EFCAB7: variants seen among roughly 807,000 people sequenced by gnomAD.
The protein encoded by EFCAB7 is EF-hand calcium binding domain 7.
EFCAB7 carries 66 observed loss-of-function variants against 77.1 expected under a neutral mutation model. The ratio of observed to expected loss-of-function variants is 0.86; its 90% confidence interval spans 0.70 to 1.05. The LOEUF (loss-of-function observed/expected upper bound fraction) is 1.05, where lower values mean the gene tolerates loss of function less well. Among genes scored for constraint, EFCAB7 ranks in the 50% least tolerant of loss-of-function variants. The pLI is 0.00. For missense variants in EFCAB7, 638 were observed against 730.5 expected (o/e 0.87, Z 1.46); for synonymous variants, 225 against 243.3 (o/e 0.92, Z 0.70).
Position 63,568,449 on chromosome 1 carries a change from A to G in EFCAB7, c.1637A>G (p.Asp546Gly). 1 of 1,591,900 alleles carries G rather than the reference A, an allele frequency of 6.3e-7. No homozygotes were observed. The change falls in exon 12 of 14, where the codon GAT (aspartate) becomes GGT (glycine). Residue 546 changes from aspartate (D) to glycine (G), a missense_variant. Physicochemically the swap from Asp to Gly is moderately conservative, Grantham distance 94. Coordinates refer to ENST00000371088, the MANE Select transcript of EFCAB7 (RefSeq NM_032437.4). ...VLSNGDAKVM[D>G]GYENIIVHTY... ...AGCAACGGTGATGCCAAAGTAATGGATGGCTATGAAAATATAATCGTGCAT... is the reference window on the plus strand; with the variant it reads ...AGCAACGGTGATGCCAAAGTAATGGGTGGCTATGAAAATATAATCGTGCAT...
intron 9 of EFCAB7, among the ~76,000 whole-genome samples, chr1:63,556,554 AACT>A (rs777214411): frequency 1.3e-5 from 2 of 152,124 alleles, no homozygotes; most frequent in Non-Finnish European, 2.9e-5. Context: ...AAAAGAAGGG[AACT>A]ACTACTATTC....
intron 8 of EFCAB7, among the ~76,000 whole-genome samples, chr1:63,553,335 T>TTTTGTTTG (rs796493031): frequency 6.6e-6 from 1 of 152,030 alleles, no homozygotes; most frequent in Non-Finnish European, 1.5e-5. Context: ...AACATTTCAT[T>TTTTGTTTG]TTTGTTTGTT....
intron 10 of EFCAB7, among the ~76,000 whole-genome samples, chr1:63,560,512 CTTTT>C (rs11347600): frequency 7.7e-5 from 6 of 77,420 alleles, no homozygotes; most frequent in African/African-American, 2.2e-4. Context: ...AAACTCTTAA[CTTTT>C]TTTTTTTTTT....
chr1:63,528,350 C>T (rs1429563657), intron 2 of EFCAB7, among the ~76,000 whole-genome samples: 1 of 152,064 alleles, frequency 6.6e-6, no homozygotes, highest in African/African-American at 2.4e-5. Context: ...AAACATCACA[C>T]ATTCTTTCTT....
downstream of EFCAB7, among the ~76,000 whole-genome samples, chr1:63,573,754 G>A (rs986600460): frequency 6.6e-6 from 1 of 152,180 alleles, no homozygotes; most frequent in Non-Finnish European, 1.5e-5. Context: ...CCATACAGGA[G>A]CTCAAATGGG....
intron 12 of EFCAB7, 66 bp from the exon 13 acceptor site, chr1:63,570,955 G>A (rs189672460): frequency 8.6e-7 from 1 of 1,169,400 alleles, no homozygotes; most frequent in Non-Finnish European, 1.2e-6. Context: ...GGTTTATTCT[G>A]AGGCTTATAT....
chr1:63,535,786 TAA>T (rs2100878574), intron 6 of EFCAB7, among the ~76,000 whole-genome samples: 1 of 152,160 alleles, frequency 6.6e-6, no homozygotes, highest in East Asian at 1.9e-4. Flanking sequence ...ATACTAGTAT[TAA>T]TATTATTATA....
intron 13 of EFCAB7, among the ~76,000 whole-genome samples, chr1:63,572,185 C>T (rs952567904): frequency 9.9e-5 from 15 of 152,168 alleles, no homozygotes; most frequent in African/African-American, 3.6e-4. Context: ...GATATTTTCT[C>T]CTCTTTCCAC....
chr1:63,544,397 G>A (rs574709492), intron 6 of EFCAB7, among the ~76,000 whole-genome samples: 7 of 151,768 alleles, frequency 4.6e-5, no homozygotes, highest in South Asian at 2.1e-4. Flanking sequence ...TATATTCATC[G>A]GCATTGTTCT....
chr1:63,574,667 G>C (rs1309874224), downstream of EFCAB7, among the ~76,000 whole-genome samples: 2 of 152,170 alleles, frequency 1.3e-5, no homozygotes, highest in East Asian at 3.8e-4. Flanking sequence ...AATGACTCCA[G>C]CTTCCTTTGG....
chr1:63,562,657 G>A (rs993228139), intron 11 of EFCAB7, among the ~76,000 whole-genome samples: 8 of 148,292 alleles, frequency 5.4e-5, no homozygotes, highest in East Asian at 4.0e-4. Context: ...ATGCCCCCAC[G>A]CCCAGCTAAT....
At chr1:63,562,950 T>C (rs1335200585) in intron 11 of EFCAB7, among the ~76,000 whole-genome samples, 2 of 152,204 alleles carry the variant, frequency 1.3e-5, no homozygotes, top group East Asian at 3.9e-4. Flanking sequence ...TTCAAAACCT[T>C]CATTAACCTG....
intron 2 of EFCAB7, among the ~76,000 whole-genome samples, chr1:63,530,673 C>G (rs1047762800): frequency 6.6e-6 from 1 of 152,134 alleles, no homozygotes; most frequent in Non-Finnish European, 1.5e-5. Flanking sequence ...TCTTCTCTCA[C>G]AGTATATTGA....
intron 2 of EFCAB7, among the ~76,000 whole-genome samples, chr1:63,530,700 C>T (rs1646680067): frequency 6.6e-6 from 1 of 152,128 alleles, no homozygotes; most frequent in Admixed American, 6.5e-5. Flanking sequence ...TGATTTTTAG[C>T]AGGACCATGC....
At chr1:63,549,362 G>C (rs1646938462) in intron 7 of EFCAB7, 1 of 470,612 alleles carries the variant, frequency 2.1e-6, no homozygotes, top group Non-Finnish European at 4.4e-6. Flanking sequence ...TGTAAATTCT[G>C]CTTTTACCAA....
At chr1:63,566,485 C>A (rs757799845) in intron 11 of EFCAB7, among the ~76,000 whole-genome samples, 1 of 151,882 alleles carries the variant, frequency 6.6e-6, no homozygotes, top group South Asian at 2.1e-4. Context: ...CACATGTACC[C>A]CTGAACTTAA....
At chr1:63,575,825 C>A (rs894251076), downstream of EFCAB7, among the ~76,000 whole-genome samples, 1 of 151,828 alleles carries the variant, frequency 6.6e-6, no homozygotes, top group African/African-American at 2.4e-5. Flanking sequence ...TGGGGTCAAG[C>A]GATTTGGTGC....
chr1:63,549,853 AATTAAAT>A (rs1646945264), intron 7 of EFCAB7: 2 of 159,542 alleles, frequency 1.3e-5, no homozygotes, highest in East Asian at 1.9e-4. Flanking sequence ...ATTATACTGA[AATTAAAT>A]GTTTATAATT....
intron 1 of EFCAB7, among the ~76,000 whole-genome samples, chr1:63,524,453 A>G (rs796615778): frequency 8.9e-4 from 135 of 152,356 alleles, no homozygotes; most frequent in African/African-American, 3.2e-3. Context: ...AGCAATTATT[A>G]TCTTTCTTTC....
Sources: allele counts gnomAD v4.1 joint callset (sites outside exome capture counted in the v4.1 genomes callset), GRCh38; gene constraint gnomAD v4.1.1; transcripts MANE v1.5; gene names NCBI Gene and HGNC (gene_info 2026-07-23, HGNC 2026-07-21).